Variants in CC2D2A observed in about 807,000 individuals in gnomAD.
CC2D2A encodes the protein coiled-coil and C2 domain-containing protein 2A.
In CC2D2A, 155 loss-of-function variants were observed where a neutral mutation model predicts 212.9. The observed-to-expected ratio is 0.73, with a 90% CI of 0.64 to 0.83. CC2D2A has a LOEUF of 0.83. Among genes scored for constraint, CC2D2A ranks in the 40% least tolerant of loss-of-function variants. CC2D2A has a pLI of 0.00. For synonymous variants in CC2D2A, 667 were observed against 686.5 expected, an observed-to-expected ratio of 0.97 and a Z score of 0.44; for missense variants, 1,856 against 1,956.2, an observed-to-expected ratio of 0.95 and a Z score of 0.97.
At chr4:15,578,817 T>TTTG (rs1491417154) in intron 29 of CC2D2A, among the ~76,000 whole-genome samples, 15 of 82,392 alleles carry the variant, frequency 1.8e-4, no homozygotes, top group Middle Eastern at 6.2e-3. Flanking sequence ...TGTTTGTTTG[T>TTTG]TTTTAATAGA....
intron 4 of CC2D2A, among the ~76,000 whole-genome samples, chr4:15,484,241 G>A (rs987424727): frequency 3.9e-5 from 6 of 152,212 alleles, no homozygotes; most frequent in African/African-American, 9.6e-5. Flanking sequence ...GAATGTTCCA[G>A]GCAGTGGTCT....
chr4:15,510,269 T>C (rs1437883673), intron 7 of CC2D2A, 29 bp downstream of exon 7: 2 of 1,575,940 alleles, frequency 1.3e-6, no homozygotes, highest in Non-Finnish European at 1.7e-6. Context: ...TAAAATCATT[T>C]GTTTGTTTGT....
At chr4:15,548,362 C>T (rs10025837) in intron 17 of CC2D2A, among the ~76,000 whole-genome samples, 40,504 of 151,756 alleles carry the variant, frequency 0.27, 5,618 homozygotes, top group East Asian at 0.46. Flanking sequence ...CTCAGAAACA[C>T]CCTTTATGTG....
At chr4:15,566,853 T>C (rs1053568619) in intron 24 of CC2D2A, among the ~76,000 whole-genome samples, 3 of 152,134 alleles carry the variant, frequency 2.0e-5, no homozygotes, top group Non-Finnish European at 4.4e-5. Flanking sequence ...AGTGTGTTTG[T>C]AGTCCCAGCT....
chr4:15,601,321 G>T lies in CC2D2A; in HGVS notation c.4759G>T (p.Asp1587Tyr), dbSNP rs1378734767. ...AVYSTGVHNIDVPNVEFALAV... is the reference protein window; with the variant it reads ...AVYSTGVHNIYVPNVEFALAV... Reference sequence around the variant, plus strand: ...GTATAGTACTGGAGTACATAATATTGATGTTCCTAATGTTGAATTTGCTTT... The same window carrying T: ...GTATAGTACTGGAGTACATAATATTTATGTTCCTAATGTTGAATTTGCTTT... Residue 1587 changes from aspartate to tyrosine, a missense_variant, in exon 37 of 37, where the codon GAT becomes TAT. Asp to Tyr is a radical substitution (Grantham distance 160, BLOSUM62 -3). Coordinates refer to ENST00000424120, the MANE Select transcript of CC2D2A (RefSeq NM_001378615.1). The T allele has an allele frequency of 1.9e-6, 3 of 1,610,830 alleles. No individual in the cohort carries two copies. The highest frequency in any genetic ancestry group is 3.3e-5 in the Admixed American group (2 of 59,756).
rs144361794 is a variant in CC2D2A, at chr4:15,534,628, T to C, written c.1607+1295T>C. 6.2e-3 allele frequency among the ~76,000 whole-genome samples: 942 copies of C among 152,342 alleles called. 39 individuals are homozygous for C. The highest frequency in any genetic ancestry group is 0.052 in the Admixed American group (801 of 15,298). ...CTGATTGTTTCACCTGGATAAGTGT[T>C]GTACCCATATACTGACACAAATAGT... On this transcript the variant is annotated intron_variant, in intron 14 of 36. Transcript: ENST00000424120.
At chr4:15,496,690 G>A (rs150183922) in intron 4 of CC2D2A, among the ~76,000 whole-genome samples, 256 of 152,178 alleles carry the variant, frequency 1.7e-3, no homozygotes, top group African/African-American at 5.8e-3. Flanking sequence ...AAGGCTCCTA[G>A]ATCTGATAAA....
At chr4:15,516,555 T>C in intron 10 of CC2D2A, 70 bp from the exon 11 acceptor site, 1 of 1,445,404 alleles carries the variant, frequency 6.9e-7, no homozygotes. Flanking sequence ...CAAGAAATGT[T>C]GTTTGTGTTG....
At position 15,557,519 on chromosome 4, in the gene CC2D2A, C is replaced by T; in HGVS notation, c.2829+12C>T. On this transcript the variant is annotated intron_variant, in intron 21 of 36. Transcript: ENST00000424120. ...AAAAGGTATTCCAGGTAAGAAACTG[C>T]CATAGAGGGGTTAATAAAATAATAA... 1.3e-6 allele frequency: 2 copies of T among 1,551,180 alleles called. No individual in the cohort carries two copies. Among genetic ancestry groups the T allele is most frequent in the Non-Finnish European group, 1.8e-6 (2 of 1,137,972 alleles).
rs1416995711 is a variant in CC2D2A at position 15,563,400 on chromosome 4, A to G, written c.3060A>G (p.Pro1020=). 1.2e-6 allele frequency: 2 copies of G among 1,608,046 alleles called. No homozygotes were observed. Among genetic ancestry groups the G allele is most frequent in the South Asian group, 1.1e-5 (1 of 89,844 alleles). ...SLFKLAEQKR[P]LRPRRKGRKK... is the part of the protein sequence containing the mutation. ...TCAAGCTGGCAGAACAAAAGCGACC[A>G]CTGCGGCCAAGGAGAAAAGGTCGGA... is the stretch of plus-strand genomic sequence containing the variant. The change falls in exon 24 of 37, where the codon CCA becomes CCG. Residue 1020 remains proline (P), a synonymous_variant. Coordinates refer to ENST00000424120, the MANE Select transcript of CC2D2A (RefSeq NM_001378615.1).
chr4:15,478,957 G>A (rs1714429123), intron 3 of CC2D2A, among the ~76,000 whole-genome samples, 151 bp downstream of exon 3: 1 of 152,176 alleles, frequency 6.6e-6, no homozygotes, highest in South Asian at 2.1e-4. Context: ...CGGGGATGCA[G>A]ATGGGTGGTC....
chr4:15,580,890 A>C (rs1720633109), intron 30 of CC2D2A, among the ~76,000 whole-genome samples: 2 of 152,208 alleles, frequency 1.3e-5, no homozygotes, highest in African/African-American at 4.8e-5. Flanking sequence ...GTTCAAATTA[A>C]GCAAAATTTA....
In CC2D2A at chr4:15,566,968, C is replaced by T. The variant is rs145454961; in HGVS notation, c.3183-409C>T. Reference sequence around the variant, plus strand: ...CCAGCCTGGGCAACAGAGCAAGACTCTATCTCAAAAATTTTTTTAAAAATA... The same window carrying T: ...CCAGCCTGGGCAACAGAGCAAGACTTTATCTCAAAAATTTTTTTAAAAATA... On this transcript the variant is annotated intron_variant, in intron 24 of 36. Coordinates refer to ENST00000424120, the MANE Select transcript of CC2D2A (RefSeq NM_001378615.1). Among the ~76,000 whole-genome samples the T allele has an allele frequency of 6.0e-3, 913 of 152,062 alleles. 8 individuals carry two copies. Among genetic ancestry groups the T allele is most frequent in the African/African-American group, 0.021 (862 of 41,476 alleles).
intron 21 of CC2D2A, among the ~76,000 whole-genome samples, chr4:15,558,149 CT>C (rs548783653): frequency 5.3e-5 from 8 of 151,656 alleles, no homozygotes; most frequent in East Asian, 1.9e-4. Flanking sequence ...GATGCATGCA[CT>C]TTTTTTTTCT....
chr4:15,583,960 A>AG (rs1021867839), intron 30 of CC2D2A, among the ~76,000 whole-genome samples: 1 of 149,678 alleles, frequency 6.7e-6, no homozygotes, highest in African/African-American at 2.5e-5. Flanking sequence ...CAAAAAAAAA[A>AG]AAAAGAAAAG....
At chr4:15,506,694 A>G (rs1049147094) in intron 6 of CC2D2A, among the ~76,000 whole-genome samples, 3 of 152,142 alleles carry the variant, frequency 2.0e-5, no homozygotes, top group African/African-American at 7.2e-5. Flanking sequence ...TCTTAGCCCT[A>G]TTTTACAAGG....
intron 17 of CC2D2A, among the ~76,000 whole-genome samples, chr4:15,545,429 A>T (rs1718660822): frequency 6.6e-6 from 1 of 152,160 alleles, no homozygotes; most frequent in Admixed American, 6.5e-5. Context: ...ATGTATACAG[A>T]GGGGCACATA....
At chr4:15,538,603 A>T (rs745755903) in intron 16 of CC2D2A, among the ~76,000 whole-genome samples, 8 of 151,582 alleles carry the variant, frequency 5.3e-5, no homozygotes, top group Non-Finnish European at 1.2e-4. Context: ...CTCCTTGAAG[A>T]CCCCCCAGAA....
intron 14 of CC2D2A, among the ~76,000 whole-genome samples, chr4:15,534,261 T>C (rs760871094): frequency 7.2e-5 from 11 of 152,344 alleles, no homozygotes; most frequent in Non-Finnish European, 1.3e-4. Context: ...TATCCTCTCC[T>C]ACTCATTAGT....
Sources: gnomAD v4.1 joint callset for allele counts (sites outside exome capture counted in the v4.1 genomes callset) on GRCh38, gnomAD v4.1.1 for gene constraint, MANE v1.5 for transcripts, NCBI Gene and HGNC (gene_info 2026-07-23, HGNC 2026-07-21) for gene names.